The following P2RY8 variants were observed in gnomAD, a reference collection of about 807,000 sequenced individuals.
P2RY8 encodes the protein S-geranylgeranyl-glutathione receptor P2RY8.
A neutral mutation model predicts 10.0 loss-of-function variants in P2RY8; 6 were observed. The ratio of observed to expected loss-of-function variants is 0.60; its 90% CI spans 0.33 to 1.19. The LOEUF (loss-of-function observed/expected upper bound fraction) is 1.19, where lower values mean the gene tolerates loss of function less well. Ranked by LOEUF, P2RY8 falls within the 50% of genes most tolerant of loss-of-function variation. P2RY8 has a pLI of 0.04. For synonymous variants in P2RY8, 276 were observed against 252.5 expected, an observed-to-expected ratio of 1.09 and a Z score of -0.88; for missense variants, 456 against 542.0, an observed-to-expected ratio of 0.84 and a Z score of 1.58.
At chrX:1,523,079 A>AAATC (rs1317106802) in intron 1 of P2RY8, among the ~76,000 whole-genome samples, 1 of 4,894 alleles carries the variant, frequency 2.0e-4, no homozygotes, top group Non-Finnish European at 6.1e-4. Context: ...CCACTGCCAA[A>AAATC]AATAAATAAA....
chrX:1,510,004 C>T (rs1365895461), intron 1 of P2RY8, among the ~76,000 whole-genome samples: 4 of 151,846 alleles, frequency 2.6e-5, no homozygotes, highest in African/African-American at 7.3e-5. Flanking sequence ...ATCTATGTAT[C>T]TATCCATTCA....
intron 1 of P2RY8, among the ~76,000 whole-genome samples, chrX:1,500,060 G>A (rs4472700): frequency 0.82 from 106,167 of 129,472 alleles, 46,618 homozygotes; most frequent in East Asian, 1. Flanking sequence ...GGGTTTCACC[G>A]TGTTAGCCAG....
chrX:1,497,410 C>A (rs2092128148), intron 1 of P2RY8, among the ~76,000 whole-genome samples: 1 of 151,380 alleles, frequency 6.6e-6, no homozygotes, highest in Non-Finnish European at 1.5e-5. Flanking sequence ...GTAATCCCAG[C>A]ATTTTGGGAG....
chrX:1,488,829 C>T (rs765822197), intron 1 of P2RY8, among the ~76,000 whole-genome samples: 13 of 151,724 alleles, frequency 8.6e-5, no homozygotes, highest in South Asian at 6.2e-4. Context: ...ACACTCAGAG[C>T]GTCCACACAA....
chrX:1,492,787 C>T (rs1452240501), intron 1 of P2RY8, among the ~76,000 whole-genome samples: 1 of 152,086 alleles, frequency 6.6e-6, no homozygotes, highest in African/African-American at 2.4e-5. Flanking sequence ...CCACGGAGCC[C>T]AGGCCACCTG....
intron 1 of P2RY8, among the ~76,000 whole-genome samples, chrX:1,506,960 G>A (rs2092239860): frequency 6.6e-6 from 1 of 152,122 alleles, no homozygotes; most frequent in South Asian, 2.1e-4. Flanking sequence ...ACAGGCGTGA[G>A]CCACCGCGCC....
chrX:1,487,155 C>A (rs1465861647), intron 1 of P2RY8, among the ~76,000 whole-genome samples: 1 of 152,186 alleles, frequency 6.6e-6, no homozygotes, highest in African/African-American at 2.4e-5. Flanking sequence ...ACTGTGTGAA[C>A]CAGTGACCTC....
intron 1 of P2RY8, among the ~76,000 whole-genome samples, chrX:1,489,806 A>C (rs2092025936): frequency 8.7e-6 from 1 of 115,026 alleles, no homozygotes; most frequent in Admixed American, 8.7e-5. Context: ...TGATACCCAG[A>C]TATTCCCTGC....
chrX:1,485,233 C>G (rs4465135), intron 1 of P2RY8, among the ~76,000 whole-genome samples: 151,331 of 152,130 alleles, frequency 0.99, 75,272 homozygotes, highest in East Asian at 1. Context: ...CACCTCTGGG[C>G]TTCAAGCAGT....
chrX:1,507,187 A>T (rs1178512173), intron 1 of P2RY8, among the ~76,000 whole-genome samples: 6 of 151,938 alleles, frequency 3.9e-5, no homozygotes, highest in Non-Finnish European at 8.8e-5. Context: ...GCGTACATGC[A>T]ACACCCCCAG....
intron 1 of P2RY8, among the ~76,000 whole-genome samples, chrX:1,486,605 C>G (rs2091988418): frequency 6.6e-6 from 1 of 152,212 alleles, no homozygotes. Context: ...GGGGTGTTTC[C>G]TTTTGCAGGA....
intron 1 of P2RY8, among the ~76,000 whole-genome samples, chrX:1,484,115 G>T (rs2091964762): frequency 6.6e-6 from 1 of 152,100 alleles, no homozygotes; most frequent in South Asian, 2.1e-4. Flanking sequence ...CCAAAGCTGG[G>T]CTCCCCTAAA....
intron 1 of P2RY8, among the ~76,000 whole-genome samples, chrX:1,498,545 T>C (rs1323802924): frequency 8.6e-5 from 13 of 151,602 alleles, no homozygotes; most frequent in African/African-American, 3.1e-4. Context: ...CAGACGGAGT[T>C]TTCCTCTTGT....
chrX:1,533,667 A>C (rs1321533256), intron 1 of P2RY8, among the ~76,000 whole-genome samples: 1 of 126,116 alleles, frequency 7.9e-6, no homozygotes, highest in East Asian at 2.5e-4. Flanking sequence ...TTATTATTTA[A>C]ATATATTTTA....
chrX:1,518,900 C>G (rs1241185548), intron 1 of P2RY8, among the ~76,000 whole-genome samples: 1 of 152,110 alleles, frequency 6.6e-6, no homozygotes, highest in African/African-American at 2.4e-5. Flanking sequence ...CTGCAATAAT[C>G]TTCCTGATCC....
intron 1 of P2RY8, among the ~76,000 whole-genome samples, chrX:1,519,130 G>A (rs1419199673): frequency 2.0e-5 from 3 of 149,786 alleles, no homozygotes; most frequent in African/African-American, 7.4e-5. Flanking sequence ...CATCTCCTTG[G>A]TCCCTAATAA....
chrX:1,475,749 A>G (rs2091866632), intron 1 of P2RY8, among the ~76,000 whole-genome samples: 2 of 152,230 alleles, frequency 1.3e-5, no homozygotes, highest in Non-Finnish European at 2.9e-5. Context: ...AAGGATCTCA[A>G]GACTTGAAGA....
intron 1 of P2RY8, among the ~76,000 whole-genome samples, chrX:1,472,814 G>A (rs1392168859): frequency 6.7e-6 from 1 of 150,332 alleles, no homozygotes; most frequent in African/African-American, 2.5e-5. Context: ...TAGATGGATG[G>A]GTGGATGTAT....
At chrX:1,496,568 A>G (rs111774067) in intron 1 of P2RY8, among the ~76,000 whole-genome samples, 39 of 152,142 alleles carry the variant, frequency 2.6e-4, no homozygotes, top group African/African-American at 8.9e-4. Context: ...CCTGGAGGGA[A>G]CAGGCTGGGA....
Sources: gnomAD v4.1 joint callset for allele counts (sites outside exome capture counted in the v4.1 genomes callset) on GRCh38, gnomAD v4.1.1 for gene constraint, MANE v1.5 for transcripts, NCBI Gene and HGNC (gene_info 2026-07-23, HGNC 2026-07-21) for gene names.